The following SLC38A10 variants were observed in gnomAD, a reference collection of about 807,000 sequenced individuals.
SLC38A10 encodes solute carrier family 38 member 10, also known as Sodium-coupled neutral amino acid transporter 10.
In SLC38A10, 53 loss-of-function variants were observed where a neutral mutation model predicts 81.0. The ratio of observed to expected loss-of-function variants is 0.65; its 90% CI spans 0.53 to 0.82. The LOEUF (loss-of-function observed/expected upper bound fraction) is 0.82, where lower values mean the gene tolerates loss of function less well. Among genes scored for constraint, SLC38A10 ranks in the 40% least tolerant of loss-of-function variants. The pLI, the probability that SLC38A10 is intolerant of heterozygous loss-of-function variation, is 0.00. For synonymous variants in SLC38A10, 665 were observed against 655.3 expected (o/e 1.01, Z -0.23); for missense variants, 1,471 against 1,545.0 (o/e 0.95, Z 0.80).
chr17:81,272,932 C>T (rs1399589229), intron 8 of SLC38A10, among the ~76,000 whole-genome samples: 1 of 152,194 alleles, frequency 6.6e-6, no homozygotes, highest in Non-Finnish European at 1.5e-5. Flanking sequence ...GCTTTTAGAG[C>T]AATACCACGA....
rs760122246 is a variant in SLC38A10 at position 81,251,586 on chromosome 17, T to TCTC, written c.1969_1971dup (p.Glu657dup). 45 of 1,493,024 alleles carry TCTC rather than the reference T, an allele frequency of 3.0e-5. No individual in the cohort carries two copies. Among genetic ancestry groups the TCTC allele is most frequent in the Non-Finnish European group, 4.0e-5 (45 of 1,128,328 alleles). 92.5% of individuals were successfully genotyped at this position (1,493,024 alleles called of 1,614,324 possible). A position where few individuals can be genotyped will look rare whatever the true frequency, so the allele number is the denominator to read the frequency against. ...GGCAGCCCAGGCCCTGGAGCCGGCT[T>TCTC]CTCCGCTGGGAGGGGAGGCTTCCCA... On this transcript the variant is annotated inframe_insertion, in exon 14 of 16. Coordinates refer to ENST00000374759, the MANE Select transcript of SLC38A10 (RefSeq NM_001037984.3).
intron 12 of SLC38A10, 123 bp downstream of exon 12, chr17:81,252,950 T>G: frequency 7.6e-7 from 1 of 1,308,044 alleles, no homozygotes; most frequent in Non-Finnish European, 1.0e-6. Flanking sequence ...GACCAGAACT[T>G]AGGCTGGGCT....
chr17:81,245,567 C>T lies in SLC38A10; in HGVS notation c.3349G>A (p.Glu1117Lys). ...ATGGCCAGCAGGTGCTAGGACTCCT[C>T]TGGAGGCCCAGGCGCCTGTCTAAGC... ...RQLRQAPGPP[E>K]ES The change falls in exon 16 of 16, where the codon GAG (glutamate) becomes AAG (lysine). Residue 1117 changes from glutamate to lysine, a missense_variant. Physicochemically the swap from Glu to Lys is moderately conservative, Grantham distance 56. Coordinates refer to ENST00000374759, the MANE Select transcript of SLC38A10 (RefSeq NM_001037984.3). 6.2e-7 allele frequency: 1 copy of T among 1,607,388 alleles called. No homozygotes were observed. The highest frequency in any genetic ancestry group is 1.3e-5 in the African/African-American group (1 of 74,968).
intron 8 of SLC38A10, among the ~76,000 whole-genome samples, chr17:81,272,935 T>C (rs2063129953): frequency 6.6e-6 from 1 of 152,196 alleles, no homozygotes; most frequent in Non-Finnish European, 1.5e-5. Flanking sequence ...TTTAGAGCAA[T>C]ACCACGAGAG....
In SLC38A10 at chr17:81,245,585, G is replaced by C. The variant is rs1431585792; in HGVS notation, c.3331C>G (p.Gln1111Glu). The change falls in exon 16 of 16, where the codon CAG becomes GAG. Residue 1111 changes from glutamine (Q) to glutamate (E), a missense_variant. Around this residue, in one of 2 missense-constraint regions of SLC38A10, gnomAD observed 751 missense variants for 717.4 expected, o/e 1.05. Transcript: ENST00000374759. The part of the protein sequence containing the change: ...LQVVHSRQLR[Q>E]APGPPEES ...GACTCCTCTGGAGGCCCAGGCGCCTGTCTAAGCTGCCGGCTGTGGACCACC... is the reference window on the plus strand; with the variant it reads ...GACTCCTCTGGAGGCCCAGGCGCCTCTCTAAGCTGCCGGCTGTGGACCACC... The C allele has an allele frequency of 9.9e-6, 16 of 1,610,846 alleles. No individual in the cohort carries two copies. Among genetic ancestry groups the C allele is most frequent in the Non-Finnish European group, 1.3e-5 (15 of 1,179,238 alleles).
chr17:81,248,409 GGTGCCT>G, intron 14 of SLC38A10, among the ~76,000 whole-genome samples: 1 of 152,346 alleles, frequency 6.6e-6, no homozygotes, highest in Non-Finnish European at 1.5e-5. Flanking sequence ...GTTAAGAGCT[GGTGCCT>G]GCAGCAAGGG....
intron 8 of SLC38A10, 91 bp downstream of exon 8, chr17:81,275,878 G>A: frequency 1.4e-6 from 2 of 1,420,696 alleles, no homozygotes; most frequent in South Asian, 2.9e-5. Flanking sequence ...CCACTTTCCT[G>A]CTATATCTCT....
intron 9 of SLC38A10, 70 bp downstream of exon 9, chr17:81,272,446 G>T: frequency 1.0e-6 from 1 of 954,520 alleles, no homozygotes; most frequent in Non-Finnish European, 1.6e-6. Flanking sequence ...TCTCGTAACT[G>T]TGCAGGTCTT....
chr17:81,277,954 C>A lies in SLC38A10; in HGVS notation c.627-821G>T, dbSNP rs557944586. 2.0e-5 allele frequency among the ~76,000 whole-genome samples: 3 copies of A among 151,478 alleles called. No individual in the cohort carries two copies. The highest frequency in any genetic ancestry group is 7.3e-5 in the African/African-American group (3 of 41,168). On this transcript the variant is annotated intron_variant, in intron 6 of 15. Coordinates refer to ENST00000374759, the MANE Select transcript of SLC38A10 (RefSeq NM_001037984.3). This position sits in a 1 kb window ranked among gnomAD's most constrained non-coding sequence, Gnocchi z 4.5. ...TCTGGAGTGGGAGTCCAGGGGGGTGCTCCTAGGGTGTCCAGGTGGCCATGG... is the reference window on the plus strand; with the variant it reads ...TCTGGAGTGGGAGTCCAGGGGGGTGATCCTAGGGTGTCCAGGTGGCCATGG...
chr17:81,261,543 T>C (rs1386160519), intron 10 of SLC38A10, among the ~76,000 whole-genome samples: 1 of 152,246 alleles, frequency 6.6e-6, no homozygotes, highest in African/African-American at 2.4e-5. Flanking sequence ...GAGACCTCCC[T>C]GGTCCAATAC....
chr17:81,264,148 G>GT (rs751039304), intron 10 of SLC38A10: 2 of 152,394 alleles, frequency 1.3e-5, no homozygotes, highest in Admixed American at 6.5e-5. Context: ...GAATAAGGGC[G>GT]TAAGTGGAGT....
In SLC38A10 at chr17:81,282,342, G is replaced by A; in HGVS notation, c.358-10C>T. On this transcript the variant is annotated splice_polypyrimidine_tract_variant and intron_variant, in intron 4 of 15. Coordinates refer to ENST00000374759, the MANE Select transcript of SLC38A10 (RefSeq NM_001037984.3). ...GGAAGGTGCCGCCCACCTGCGGGGAGCCGGCAGGGGGTCTTGGCCACAGCC... is the reference window on the plus strand; with the variant it reads ...GGAAGGTGCCGCCCACCTGCGGGGAACCGGCAGGGGGTCTTGGCCACAGCC... 1.2e-6 allele frequency: 2 copies of A among 1,601,778 alleles called. No individual in the cohort carries two copies. The highest frequency in any genetic ancestry group is 1.1e-5 in the South Asian group (1 of 90,054).
Position 81,282,305 on chromosome 17 carries a change from G to A in SLC38A10, c.385C>T (p.Leu129=), listed in dbSNP as rs758468927. 11 of 1,612,892 alleles carry A rather than the reference G, an allele frequency of 6.8e-6. No homozygotes were observed. The highest frequency in any genetic ancestry group is 9.3e-6 in the Non-Finnish European group (11 of 1,179,842). ...QVGGTFRMFL[L]FAVSLCIVLP... ...ACGATGCACAGCGACACGGCGAACA[G>A]CAGGAACATGCGGAAGGTGCCGCCC... Residue 129 remains leucine, a synonymous_variant, in exon 5 of 16, where the codon CTG becomes TTG. Transcript: ENST00000374759.
At chr17:81,269,635 G>A (rs965710427) in intron 10 of SLC38A10, among the ~76,000 whole-genome samples, 3 of 152,152 alleles carry the variant, frequency 2.0e-5, no homozygotes, top group Non-Finnish European at 2.9e-5. Context: ...CTGGGGTGCC[G>A]GGATGTCCTA....
At chr17:81,272,481 C>T (rs1366029686) in intron 9 of SLC38A10, 35 bp downstream of exon 9, 1 of 1,479,418 alleles carries the variant, frequency 6.8e-7, no homozygotes, top group Non-Finnish European at 9.2e-7. Context: ...CCCCGGGTCC[C>T]ACTCCCCGGC....
intron 14 of SLC38A10, chr17:81,251,005 C>G: frequency 1.4e-6 from 2 of 1,387,006 alleles, no homozygotes; most frequent in Non-Finnish European, 1.9e-6. Context: ...GAGCAGTGCT[C>G]TGGGCCAGGG....
At position 81,286,563 on chromosome 17, in the gene SLC38A10, G is replaced by A. The variant is rs1567948428; in HGVS notation, c.218-1668C>T. Among the ~76,000 whole-genome samples the A allele has an allele frequency of 6.6e-6, 1 of 152,246 alleles. No homozygotes were observed. The highest frequency in any genetic ancestry group is 1.5e-5 in the Non-Finnish European group (1 of 68,042). On this transcript the variant is annotated intron_variant, in intron 2 of 15. Transcript: ENST00000374759. This position sits in a 1 kb window ranked among gnomAD's most constrained non-coding sequence, Gnocchi z 6.0. Reference sequence around the variant, plus strand: ...CTGCGTGGACTGGCACAGAGAAAGGGAGGAAGAGGCTGAAGCGCCCAGCAA... The same window carrying A: ...CTGCGTGGACTGGCACAGAGAAAGGAAGGAAGAGGCTGAAGCGCCCAGCAA...
chr17:81,282,599 C>G (rs1401784022), intron 4 of SLC38A10, among the ~76,000 whole-genome samples: 2 of 152,212 alleles, frequency 1.3e-5, no homozygotes, highest in African/African-American at 2.4e-5. Context: ...CAGCAGCCCC[C>G]CTAACACGGG....
intron 10 of SLC38A10, among the ~76,000 whole-genome samples, chr17:81,260,646 G>A (rs879624629): frequency 2.6e-5 from 4 of 152,234 alleles, no homozygotes; most frequent in Non-Finnish European, 5.9e-5. Flanking sequence ...CTGATGCGCC[G>A]CTGCCAGAGC....
Sources: allele counts gnomAD v4.1 joint callset (sites outside exome capture counted in the v4.1 genomes callset), GRCh38; gene constraint gnomAD v4.1.1; regional missense constraint gnomAD v4.1.1; non-coding constraint Gnocchi (gnomAD v3.1); transcripts MANE v1.5; gene names NCBI Gene and HGNC (gene_info 2026-07-23, HGNC 2026-07-21).